Variants in DRD2 observed in about 807,000 individuals in gnomAD.
DRD2 encodes the protein dopamine receptor D2, also known as D(2) dopamine receptor.
A neutral mutation model predicts 38.0 loss-of-function variants in DRD2; 8 were observed. The observed-to-expected ratio is 0.21, with a 90% CI of 0.12 to 0.38. The LOEUF is 0.38. Ranked by LOEUF, DRD2 falls within the 10% of genes least tolerant of loss-of-function variation. The pLI is 1.00. For synonymous variants in DRD2, 230 were observed against 238.6 expected, an observed-to-expected ratio of 0.96 and a Z score of 0.33; for missense variants, 403 against 607.7, an observed-to-expected ratio of 0.66 and a Z score of 3.54.
chr11:113,414,228 A>C (rs1950799100), intron 6 of DRD2, 147 bp downstream of exon 6: 2 of 793,152 alleles, frequency 2.5e-6, no homozygotes, highest in East Asian at 2.4e-5. Flanking sequence ...GGAGGTGTGC[A>C]CGGTGAGTCT....
At chr11:113,422,195 G>A (rs1026276914) in intron 2 of DRD2, among the ~76,000 whole-genome samples, 4 of 152,194 alleles carry the variant, frequency 2.6e-5, no homozygotes, top group Non-Finnish European at 1.5e-5. Context: ...ATCCCAAGGG[G>A]GCGGTGAATA....
chr11:113,458,505 C>T (rs1951288027), intron 1 of DRD2, among the ~76,000 whole-genome samples: 2 of 152,230 alleles, frequency 1.3e-5, no homozygotes. Context: ...TGTGGATATA[C>T]TCCTTCCTTC....
intron 1 of DRD2, among the ~76,000 whole-genome samples, chr11:113,458,483 C>T (rs1480127846): frequency 1.3e-5 from 2 of 152,200 alleles, no homozygotes; most frequent in African/African-American, 4.8e-5. Context: ...CAGGATCACC[C>T]TGGCACTGGC....
chr11:113,415,774 C>T (rs1472271713), intron 4 of DRD2, among the ~76,000 whole-genome samples, 163 bp from the exon 5 acceptor site: 3 of 152,120 alleles, frequency 2.0e-5, no homozygotes, highest in South Asian at 2.1e-4. Context: ...TATACACAAA[C>T]GCACAGCAGA....
chr11:113,460,211 G>A (rs748680514), intron 1 of DRD2, among the ~76,000 whole-genome samples: 3 of 152,210 alleles, frequency 2.0e-5, no homozygotes, highest in South Asian at 2.1e-4. Context: ...CTCCAGGGTC[G>A]AAGCTGCCAG....
At chr11:113,443,947 A>C (rs913484526) in intron 1 of DRD2, among the ~76,000 whole-genome samples, 5 of 152,214 alleles carry the variant, frequency 3.3e-5, no homozygotes, top group Admixed American at 2.6e-4. Context: ...AAACTAAAAA[A>C]AACTGGAAGC....
chr11:113,421,755 C>A (rs912994833), intron 2 of DRD2, among the ~76,000 whole-genome samples: 1 of 152,096 alleles, frequency 6.6e-6, no homozygotes, highest in Admixed American at 6.5e-5. Flanking sequence ...TGTGAGGGTG[C>A]GCTGATAGGA....
chr11:113,442,962 A>T lies in DRD2; in HGVS notation c.-31-18280T>A, dbSNP rs187329792. Among the ~76,000 whole-genome samples the T allele has an allele frequency of 1.2e-3, 175 of 152,004 alleles. 1 individual carries two copies. Among genetic ancestry groups the T allele is most frequent in the African/African-American group, 4.0e-3 (166 of 41,450 alleles). The stretch of plus-strand genomic sequence containing the variant: ...GCTGGTTCTGTCCCCCTCTTTTCTT[A>T]TCTGTAAGCCTAACAAATATGCTAG... On this transcript the variant is annotated intron_variant, in intron 1 of 7. Transcript: ENST00000362072.
chr11:113,464,958 C>A lies in DRD2; in HGVS notation c.-32+10118G>T, dbSNP rs543990371. 3.3e-5 allele frequency among the ~76,000 whole-genome samples: 5 copies of A among 152,310 alleles called. No individual in the cohort carries two copies. In the South Asian group the frequency reaches 6.2e-4, roughly 19 times the overall value. On this transcript the variant is annotated intron_variant, in intron 1 of 7. Transcript: ENST00000362072. ...CTGAGTTCTGGCGAATTTAAGATAT[C>A]TTTTCAGGTCTTTCAAGCCTTCCTA... is the stretch of plus-strand genomic sequence containing the variant.
chr11:113,468,539 T>TTTTGTTTGTTTG (rs780064307), intron 1 of DRD2, among the ~76,000 whole-genome samples: 1 of 152,002 alleles, frequency 6.6e-6, no homozygotes, highest in Non-Finnish European at 1.5e-5. Context: ...TTTTTTTGTT[T>TTTTGTTTGTTTG]TTTGTTTGTT....
intron 1 of DRD2, among the ~76,000 whole-genome samples, chr11:113,433,272 C>T (rs1951005646): frequency 6.6e-6 from 1 of 152,066 alleles, no homozygotes; most frequent in Non-Finnish European, 1.5e-5. Flanking sequence ...GGGTCTGGCC[C>T]CGGTGTCAGC....
intron 1 of DRD2, chr11:113,474,330 C>T (rs1037236572): frequency 6.6e-6 from 1 of 152,268 alleles, no homozygotes; most frequent in Admixed American, 6.5e-5. Context: ...CTCCGCATAC[C>T]ACCCTAGAGG....
In DRD2 at chr11:113,410,712, G is replaced by A. The variant is rs201621795; in HGVS notation, c.*15C>T. 96 of 1,614,066 alleles carry A rather than the reference G, an allele frequency of 5.9e-5. No homozygotes were observed. The highest frequency in any genetic ancestry group is 4.9e-4 in the East Asian group (22 of 44,888). ...GGAGGTGGGAAGCAGGCTGCTGTGC[G>A]GGCAGGCAGCAGAGTCAGCAGTGGA... On this transcript the variant is annotated 3_prime_UTR_variant, in exon 8 of 8. Coordinates refer to ENST00000362072, the MANE Select transcript of DRD2 (RefSeq NM_000795.4).
At chr11:113,469,000 C>T (rs1951396499) in intron 1 of DRD2, among the ~76,000 whole-genome samples, 1 of 152,118 alleles carries the variant, frequency 6.6e-6, no homozygotes, top group Non-Finnish European at 1.5e-5. Flanking sequence ...AAAGCAAACC[C>T]AAAGACCTAA....
intron 1 of DRD2, among the ~76,000 whole-genome samples, chr11:113,431,443 A>C (rs1950986950): frequency 6.6e-6 from 1 of 152,240 alleles, no homozygotes; most frequent in Non-Finnish European, 1.5e-5. Flanking sequence ...GAGAAAGAGA[A>C]GACTGCATTT....
chr11:113,472,924 G>A (rs1277035729), intron 1 of DRD2, among the ~76,000 whole-genome samples: 1 of 152,182 alleles, frequency 6.6e-6, no homozygotes, highest in East Asian at 1.9e-4. Context: ...GATCCTGGGG[G>A]AGAGGAGATT....
chr11:113,421,030 A>C (rs117431082), intron 2 of DRD2, among the ~76,000 whole-genome samples: 1,844 of 152,286 alleles, frequency 0.012, 20 homozygotes, highest in South Asian at 0.054. Context: ...GCACTGTTCC[A>C]AACACTTGAT....
chr11:113,451,121 T>C (rs577463148), intron 1 of DRD2, among the ~76,000 whole-genome samples: 46 of 152,336 alleles, frequency 3.0e-4, no homozygotes, highest in Non-Finnish European at 5.7e-4. Context: ...GGAATAGGCA[T>C]ATTCAGCAAC....
intron 1 of DRD2, among the ~76,000 whole-genome samples, chr11:113,430,755 C>T (rs1950978372): frequency 6.6e-6 from 1 of 152,184 alleles, no homozygotes; most frequent in African/African-American, 2.4e-5. Flanking sequence ...TCCAGTTACG[C>T]TGGGCTGGTT....
Sources: allele counts gnomAD v4.1 joint callset (sites outside exome capture counted in the v4.1 genomes callset), GRCh38; gene constraint gnomAD v4.1.1; transcripts MANE v1.5; gene names NCBI Gene and HGNC (gene_info 2026-07-23, HGNC 2026-07-21).